COL11A1: variants seen among roughly 807,000 people sequenced by gnomAD.
COL11A1 encodes the protein collagen type XI alpha 1 chain.
A neutral mutation model predicts 265.2 loss-of-function variants in COL11A1; 74 were observed. That is an observed-to-expected ratio of 0.28 (90% confidence interval 0.23 to 0.34). The LOEUF is 0.34. Among genes scored for constraint, COL11A1 ranks in the 10% least tolerant of loss-of-function variants. The probability of loss-of-function intolerance (pLI) is 1.00; values close to 1 mark genes in which losing one functional copy is unlikely to be tolerated. For synonymous variants in COL11A1, 816 were observed against 727.6 expected, an observed-to-expected ratio of 1.12 and a Z score of -1.96; for missense variants, 2,165 against 2,263.6, an observed-to-expected ratio of 0.96 and a Z score of 0.88.
chr1:103,008,401 A>G lies in COL11A1; in HGVS notation c.1683+62T>C, dbSNP rs896673094. 2.5e-5 allele frequency: 35 copies of G among 1,378,008 alleles called. 1 individual carries two copies. The Middle Eastern group carries it at 5.4e-4, about 21-fold the overall frequency. 85.4% of individuals were successfully genotyped at this position (1,378,008 alleles called of 1,614,324 possible). On this transcript the variant is annotated intron_variant, in intron 15 of 66. Transcript: ENST00000370096. Reference sequence around the variant, plus strand: ...AAAATTAACTATTGATGCATTCTCGAAGGAATTATGCTGTATCAAAGAAGC... The same window carrying G: ...AAAATTAACTATTGATGCATTCTCGGAGGAATTATGCTGTATCAAAGAAGC...
Position 102,973,496 on chromosome 1 carries a change from C to T in COL11A1, c.2808+1334G>A, listed in dbSNP as rs80054610. ...AATGGTACAATACTGAGGTTATATACGTCACTAAACTTTATGTTCCTAAAC... is the reference window on the plus strand; with the variant it reads ...AATGGTACAATACTGAGGTTATATATGTCACTAAACTTTATGTTCCTAAAC... On this transcript the variant is annotated intron_variant, in intron 36 of 66. Coordinates refer to ENST00000370096, the MANE Select transcript of COL11A1 (RefSeq NM_001854.4). Among the ~76,000 whole-genome samples, 125 of 152,248 alleles carry T rather than the reference C, an allele frequency of 8.2e-4. 3 individuals are homozygous for T. The East Asian group carries it at 0.023, about 27-fold the overall frequency.
chr1:102,972,369 C>G (rs1662051362), intron 36 of COL11A1, among the ~76,000 whole-genome samples: 1 of 151,964 alleles, frequency 6.6e-6, no homozygotes, highest in Non-Finnish European at 1.5e-5. Flanking sequence ...TATTATAATA[C>G]TTTAAAATAG....
At chr1:103,013,331 A>G (rs1020077754) in intron 13 of COL11A1, among the ~76,000 whole-genome samples, 1 of 151,968 alleles carries the variant, frequency 6.6e-6, no homozygotes, top group Non-Finnish European at 1.5e-5. Flanking sequence ...TAAATATCTG[A>G]AAAATTGAAT....
chr1:103,101,138 A>G (rs1425821060), intron 1 of COL11A1, among the ~76,000 whole-genome samples: 1 of 151,904 alleles, frequency 6.6e-6, no homozygotes, highest in Non-Finnish European at 1.5e-5. Context: ...AACACAGGCA[A>G]GAGGTTTAAC....
At chr1:102,982,979 A>C (rs1663182890) in intron 31 of COL11A1, among the ~76,000 whole-genome samples, 1 of 152,084 alleles carries the variant, frequency 6.6e-6, no homozygotes, top group Admixed American at 6.6e-5. Flanking sequence ...TCTCATGTAC[A>C]TATAACTAAA....
intron 40 of COL11A1, 30 bp from the exon 41 acceptor site, chr1:102,961,949 G>A (rs370020977): frequency 6.3e-5 from 100 of 1,589,600 alleles, no homozygotes; most frequent in Non-Finnish European, 8.5e-5. Context: ...TAAAGAAAAT[G>A]AATCCATATG....
At chr1:102,972,101 A>G (rs1222153644) in intron 36 of COL11A1, among the ~76,000 whole-genome samples, 1 of 152,200 alleles carries the variant, frequency 6.6e-6, no homozygotes, top group Non-Finnish European at 1.5e-5. Flanking sequence ...CAAATAAAAC[A>G]ATTTCTGTGC....
At chr1:102,944,459 A>G (rs1659044888) in intron 42 of COL11A1, among the ~76,000 whole-genome samples, 3 of 152,160 alleles carry the variant, frequency 2.0e-5, no homozygotes, top group Admixed American at 2.0e-4. Flanking sequence ...TGGAATGAGC[A>G]TGCTGGAGTT....
chr1:103,085,105 C>A (rs1382552718), intron 1 of COL11A1, among the ~76,000 whole-genome samples: 1 of 152,126 alleles, frequency 6.6e-6, no homozygotes, highest in African/African-American at 2.4e-5. Context: ...AGGAGCATGT[C>A]CTCCCACCAT....
chr1:102,979,458 T>C, intron 31 of COL11A1, 23 bp from the exon 32 acceptor site: 1 of 1,513,144 alleles, frequency 6.6e-7, no homozygotes, highest in Non-Finnish European at 9.2e-7. Context: ...AAGTAAATAA[T>C]GAATAAACAT....
At chr1:102,988,221 G>A (rs1663770654) in intron 29 of COL11A1, among the ~76,000 whole-genome samples, 1 of 152,080 alleles carries the variant, frequency 6.6e-6, no homozygotes, top group Admixed American at 6.6e-5. Flanking sequence ...CTGGCCTCAT[G>A]TTCCCCAGCC....
At chr1:103,041,908 A>G (rs1443132830) in intron 4 of COL11A1, among the ~76,000 whole-genome samples, 5 of 152,044 alleles carry the variant, frequency 3.3e-5, no homozygotes, top group Non-Finnish European at 5.9e-5. Context: ...AATCTGTTAT[A>G]CAACATTGTT....
chr1:103,042,595 A>G (rs1668897750), intron 4 of COL11A1, among the ~76,000 whole-genome samples: 1 of 152,030 alleles, frequency 6.6e-6, no homozygotes, highest in Non-Finnish European at 1.5e-5. Context: ...TTGGGAAGGG[A>G]AAAAGGTTGG....
intron 49 of COL11A1, among the ~76,000 whole-genome samples, chr1:102,917,439 A>ATG (rs1655471807): frequency 1.3e-5 from 2 of 151,976 alleles, no homozygotes; most frequent in Admixed American, 1.3e-4. Context: ...CAAATAATTC[A>ATG]TGACTAAGAC....
intron 12 of COL11A1, 86 bp from the exon 13 acceptor site, chr1:103,014,680 T>G: frequency 9.2e-7 from 1 of 1,088,746 alleles, no homozygotes; most frequent in Non-Finnish European, 1.4e-6. Flanking sequence ...TAAAAACCAC[T>G]TATTAAAATG....
intron 28 of COL11A1, among the ~76,000 whole-genome samples, chr1:102,992,956 C>CA (rs953735467): frequency 4.6e-5 from 7 of 152,020 alleles, no homozygotes; most frequent in African/African-American, 1.2e-4. Context: ...TTCCTATGTA[C>CA]AAAAAATGTA....
intron 40 of COL11A1, 68 bp from the exon 41 acceptor site, chr1:102,961,987 T>C (rs761601664): frequency 5.7e-6 from 8 of 1,412,404 alleles, no homozygotes; most frequent in Non-Finnish European, 7.9e-6. Flanking sequence ...AGGAGATATC[T>C]GATTAGTAAA....
intron 4 of COL11A1, among the ~76,000 whole-genome samples, chr1:103,050,710 T>G (rs1460558281): frequency 1.3e-5 from 2 of 152,114 alleles, no homozygotes; most frequent in Non-Finnish European, 2.9e-5. Flanking sequence ...TTCTGCTCTG[T>G]TTTTTCCCCA....
chr1:103,026,273 C>G lies in COL11A1; in HGVS notation c.840G>C (p.Glu280Asp). Residue 280 changes from glutamate (E) to aspartate (D), a missense_variant, in exon 6 of 67, where the codon GAG (glutamate) becomes GAC (aspartate). Transcript: ENST00000370096. ...TGGGTCCCTCTGTTACACTTTCAGCCTCTTTATACTCTGCTTCCCCATACT... is the reference window on the plus strand; with the variant it reads ...TGGGTCCCTCTGTTACACTTTCAGCGTCTTTATACTCTGCTTCCCCATACT... ...DYEYGEAEYK[E>D]AESVTEGPTV... The G allele has an allele frequency of 6.2e-7, 1 of 1,613,744 alleles. No individual in the cohort carries two copies. Among genetic ancestry groups the G allele is most frequent in the Non-Finnish European group, 8.5e-7 (1 of 1,179,692 alleles).
Sources: allele counts gnomAD v4.1 joint callset (sites outside exome capture counted in the v4.1 genomes callset), GRCh38; gene constraint gnomAD v4.1.1; transcripts MANE v1.5; gene names NCBI Gene and HGNC (gene_info 2026-07-23, HGNC 2026-07-21).